Variants in TASP1 observed in about 807,000 individuals in gnomAD.
TASP1 encodes taspase 1.
TASP1 carries 16 observed loss-of-function variants against 56.6 expected under a neutral mutation model. That is an observed-to-expected ratio of 0.28 (90% confidence interval 0.19 to 0.43). The LOEUF (loss-of-function observed/expected upper bound fraction) is 0.43, where lower values mean the gene tolerates loss of function less well. TASP1 is among the 20% of genes least tolerant of loss of function. TASP1 has a pLI of 1.00. For missense variants in TASP1, 393 were observed against 511.6 expected (o/e 0.77, Z 2.24); for synonymous variants, 179 against 184.2 (o/e 0.97, Z 0.23).
intron 11 of TASP1, among the ~76,000 whole-genome samples, chr20:13,457,143 GATAGCATTAGGAGAAATA>G (rs2043873301): frequency 6.6e-6 from 1 of 152,044 alleles, no homozygotes; most frequent in Non-Finnish European, 1.5e-5. Flanking sequence ...CTGGGGGAGG[GATAGCATTAGGAGAAATA>G]CCTAATGTAA....
chr20:13,406,790 C>T (rs151042980), intron 13 of TASP1, among the ~76,000 whole-genome samples: 6,156 of 151,834 alleles, frequency 0.041, 394 homozygotes, highest in African/African-American at 0.14. Context: ...CCTCAGCCTC[C>T]CGAGTAGCTG....
At chr20:13,157,437 CA>C in the TASP1 span, among the ~76,000 whole-genome samples, 7 of 148,878 alleles carry the variant, frequency 4.7e-5, no homozygotes, top group South Asian at 2.1e-4. Context: ...AACTCCATGT[CA>C]AAAAAAAAAT....
intron 5 of TASP1, among the ~76,000 whole-genome samples, chr20:13,582,732 C>T (rs536503142): frequency 1.3e-5 from 2 of 152,256 alleles, no homozygotes; most frequent in African/African-American, 4.8e-5. Context: ...AGAAAGAACA[C>T]AAAGGTAAAA....
chr20:13,399,089 C>T (rs1018459622), intron 13 of TASP1, among the ~76,000 whole-genome samples: 4 of 152,196 alleles, frequency 2.6e-5, no homozygotes, highest in African/African-American at 9.7e-5. Context: ...TGATCACCTG[C>T]TTCTCCTTGA....
intron 5 of TASP1, among the ~76,000 whole-genome samples, chr20:13,581,429 G>C (rs1444976631): frequency 6.6e-6 from 1 of 152,032 alleles, no homozygotes; most frequent in Non-Finnish European, 1.5e-5. Flanking sequence ...GCTTCAAATT[G>C]ACCTTGGAGA....
intron 2 of TASP1, among the ~76,000 whole-genome samples, chr20:13,628,829 C>G (rs2048988026): frequency 6.6e-6 from 1 of 152,192 alleles, no homozygotes; most frequent in Non-Finnish European, 1.5e-5. Flanking sequence ...CTGGGCAGAG[C>G]AGCACTGTTC....
At chr20:13,391,158 T>C (rs73901123) in intron 13 of TASP1, among the ~76,000 whole-genome samples, 1,569 of 152,278 alleles carry the variant, frequency 0.01, 30 homozygotes, top group African/African-American at 0.035. Context: ...CAATTGTTCC[T>C]GGCACTGAGA....
intron 10 of TASP1, among the ~76,000 whole-genome samples, chr20:13,521,859 A>G (rs2044773536): frequency 6.6e-6 from 1 of 152,188 alleles, no homozygotes; most frequent in Non-Finnish European, 1.5e-5. Flanking sequence ...TTAGATAATG[A>G]TACTTGCTAC....
chr20:13,570,463 G>C (rs191524509), intron 6 of TASP1, among the ~76,000 whole-genome samples: 19 of 151,886 alleles, frequency 1.3e-4, no homozygotes, highest in Non-Finnish European at 2.2e-4. Context: ...TTAAAAACTC[G>C]AAGTAACACA....
the TASP1 span, among the ~76,000 whole-genome samples, chr20:13,161,773 TAA>T: frequency 6.6e-6 from 1 of 152,018 alleles, no homozygotes; most frequent in East Asian, 1.9e-4. Context: ...AATAAAAAAA[TAA>T]AAGAGTAAAG....
intron 4 of TASP1, among the ~76,000 whole-genome samples, chr20:13,597,562 C>A (rs1053637574): frequency 1.3e-5 from 2 of 152,154 alleles, no homozygotes; most frequent in African/African-American, 4.8e-5. Flanking sequence ...ATGACAAACC[C>A]ACAGCCAATA....
At chr20:13,303,023 C>T in the TASP1 span, among the ~76,000 whole-genome samples, 1 of 152,206 alleles carries the variant, frequency 6.6e-6, no homozygotes, top group Non-Finnish European at 1.5e-5. Flanking sequence ...TCTTCTGAGC[C>T]CACACTTTGT....
chr20:13,214,519 GCACA>G, the TASP1 span, among the ~76,000 whole-genome samples: 4,534 of 115,550 alleles, frequency 0.039, 99 homozygotes, highest in Non-Finnish European at 0.043. Context: ...ACAGAGACAG[GCACA>G]CACACACACA....
At chr20:13,156,244 T>C in the TASP1 span, among the ~76,000 whole-genome samples, 2 of 152,174 alleles carry the variant, frequency 1.3e-5, no homozygotes, top group Admixed American at 6.5e-5. Context: ...AGTGTTACAA[T>C]GACAGTAGGG....
At chr20:13,534,250 T>C in intron 8 of TASP1, 109 bp from the exon 9 acceptor site, 1 of 1,310,160 alleles carries the variant, frequency 7.6e-7, no homozygotes. Context: ...TCTAAACTAA[T>C]CCCTAAGTGG....
chr20:13,408,130 T>C (rs1189119050), intron 13 of TASP1, among the ~76,000 whole-genome samples: 1 of 152,168 alleles, frequency 6.6e-6, no homozygotes, highest in Non-Finnish European at 1.5e-5. Context: ...AAGAAATAAC[T>C]GCATAATCCA....
At chr20:13,180,179 A>C in the TASP1 span, among the ~76,000 whole-genome samples, 137 of 152,350 alleles carry the variant, frequency 9.0e-4, no homozygotes, top group African/African-American at 3.3e-3. Flanking sequence ...TTCCTGCTTC[A>C]GGAATCATGA....
At chr20:13,177,482 A>G in the TASP1 span, among the ~76,000 whole-genome samples, 18 of 152,300 alleles carry the variant, frequency 1.2e-4, no homozygotes, top group African/African-American at 4.3e-4. Context: ...GAACAAAGCT[A>G]GAAGTATCAC....
the TASP1 span, among the ~76,000 whole-genome samples, chr20:13,143,815 T>G: frequency 6.6e-6 from 1 of 152,258 alleles, no homozygotes; most frequent in Non-Finnish European, 1.5e-5. Flanking sequence ...CTCAGCCTAG[T>G]ATCTGTCTTT....
Sources: allele counts gnomAD v4.1 joint callset (sites outside exome capture counted in the v4.1 genomes callset), GRCh38; gene constraint gnomAD v4.1.1; transcripts MANE v1.5; gene names NCBI Gene and HGNC (gene_info 2026-07-23, HGNC 2026-07-21).